The following RIOK2 variants were observed in gnomAD, a reference collection of about 807,000 sequenced individuals.
The protein encoded by RIOK2 is RIO kinase 2, also known as serine/threonine-protein kinase RIO2.
A neutral mutation model predicts 62.4 loss-of-function variants in RIOK2; 46 were observed. That is an observed-to-expected ratio of 0.74 (90% CI 0.58 to 0.94). RIOK2 has a LOEUF of 0.94. Ranked by LOEUF, RIOK2 falls within the 40% of genes least tolerant of loss-of-function variation. The probability of loss-of-function intolerance (pLI) is 0.00; values close to 1 mark genes in which losing one functional copy is unlikely to be tolerated. For synonymous variants in RIOK2, 197 were observed against 216.0 expected (o/e 0.91, Z 0.77); for missense variants, 574 against 658.0 (o/e 0.87, Z 1.40).
At chr5:97,171,923 A>C (rs316191) in intron 5 of RIOK2, among the ~76,000 whole-genome samples, 51,502 of 151,942 alleles carry the variant, frequency 0.34, 10,139 homozygotes, top group East Asian at 0.47. Context: ...AATGACTTCA[A>C]TGTTGCTAAA....
In RIOK2 at chr5:97,179,198, A is replaced by C; in HGVS notation, c.67-5T>G. On this transcript the variant is annotated splice_polypyrimidine_tract_variant and splice_region_variant and intron_variant, in intron 1 of 9. Coordinates refer to ENST00000283109, the MANE Select transcript of RIOK2 (RefSeq NM_018343.3). Reference sequence around the variant, plus strand: ...GTTCTTCATGCCCATTTCAACCTGAAATTAAAGGAATCATTATATAATCAT... The same window carrying C: ...GTTCTTCATGCCCATTTCAACCTGACATTAAAGGAATCATTATATAATCAT... 6.2e-7 allele frequency: 1 copy of C among 1,611,610 alleles called. No homozygotes were observed. Among genetic ancestry groups the C allele is most frequent in the Non-Finnish European group, 8.5e-7 (1 of 1,179,530 alleles).
chr5:97,178,964 C>G lies in RIOK2; in HGVS notation c.205+91G>C, dbSNP rs1271482956. The G allele has an allele frequency of 3.4e-6, 5 of 1,453,184 alleles. No individual in the cohort carries two copies. The African/African-American group carries it at 7.0e-5, about 20-fold the overall frequency. 90.0% of individuals were successfully genotyped at this position (1,453,184 alleles called of 1,614,324 possible). The stretch of plus-strand genomic sequence containing the variant: ...GTTCTTCGTCTAATGCTTTACTAGT[C>G]TGGCAACTTCTACTTCTTGACTTTT... On this transcript the variant is annotated intron_variant, in intron 2 of 9. Transcript: ENST00000283109.
At chr5:97,183,099 G>T in intron 1 of RIOK2, 27 bp downstream of exon 1, 1 of 1,613,040 alleles carries the variant, frequency 6.2e-7, no homozygotes. Flanking sequence ...TAAGGGGAAG[G>T]GAGAACAGGA....
intron 2 of RIOK2, among the ~76,000 whole-genome samples, chr5:97,178,565 C>T (rs956188069): frequency 6.7e-6 from 1 of 150,012 alleles, no homozygotes; most frequent in Admixed American, 6.6e-5. Flanking sequence ...TCTGCAGTAC[C>T]TACGTGCTCT....
chr5:97,180,007 T>A (rs1170515650), intron 1 of RIOK2, among the ~76,000 whole-genome samples: 1 of 57,898 alleles, frequency 1.7e-5, no homozygotes, highest in African/African-American at 6.6e-5. Context: ...ATATATATTA[T>A]ATATATATAA....
intron 1 of RIOK2, among the ~76,000 whole-genome samples, chr5:97,179,980 ATATATATATAAAATATATATATAT>A (rs1749299456): frequency 2.0e-5 from 1 of 49,800 alleles, no homozygotes; most frequent in Admixed American, 2.9e-4. Context: ...TATATATAAT[ATATATATATAAAATATATATATAT>A]TATATATATA....
chr5:97,168,776 T>C lies in RIOK2; in HGVS notation c.856A>G (p.Thr286Ala), dbSNP rs1484469570. The C allele has an allele frequency of 5.0e-6, 8 of 1,597,106 alleles. No homozygotes were observed. The highest frequency in any genetic ancestry group is 6.8e-6 in the Non-Finnish European group (8 of 1,172,486). ...AGTACAAACCTGATATCCTTAAAAG[T>C]TGGAAAAAGCTCACTTTCGTAGCTG... Reference protein sequence around the residue: ...RFSYESELFPTFKDIRREDTL... With the variant: ...RFSYESELFPAFKDIRREDTL... The change falls in exon 7 of 10, where the codon ACT becomes GCT. Residue 286 changes from threonine (T) to alanine (A), a missense_variant. Coordinates refer to ENST00000283109, the MANE Select transcript of RIOK2 (RefSeq NM_018343.3).
chr5:97,162,908 C>T lies in RIOK2; in HGVS notation c.*153G>A, dbSNP rs1025730933. The T allele has an allele frequency of 5.1e-5, 32 of 626,560 alleles. No homozygotes were observed. Among genetic ancestry groups the T allele is most frequent in the Non-Finnish European group, 7.4e-5 (28 of 379,724 alleles). 38.8% of individuals were successfully genotyped at this position (626,560 alleles called of 1,614,324 possible). A position where few individuals can be genotyped will look rare whatever the true frequency, so the allele number is the denominator to read the frequency against. On this transcript the variant is annotated 3_prime_UTR_variant, in exon 10 of 10. Transcript: ENST00000283109. Reference sequence around the variant, plus strand: ...TGCTTTGGCAGGTAATTATTCTTTGCAAGACACATACTGAATGACCAAATT... The same window carrying T: ...TGCTTTGGCAGGTAATTATTCTTTGTAAGACACATACTGAATGACCAAATT...
chr5:97,171,453 G>A (rs1480469934), intron 5 of RIOK2, 56 bp from the exon 6 acceptor site: 15 of 1,290,768 alleles, frequency 1.2e-5, no homozygotes, highest in Middle Eastern at 2.4e-4. Context: ...CGGTTTTAAC[G>A]AAAGTATGTA....
intron 5 of RIOK2, among the ~76,000 whole-genome samples, chr5:97,172,111 G>T (rs1357134974): frequency 2.0e-5 from 3 of 151,766 alleles, no homozygotes. Context: ...TCTAAATTCT[G>T]GAGTTCCTCA....
chr5:97,173,591 A>C (rs1749077118), intron 4 of RIOK2, among the ~76,000 whole-genome samples: 1 of 152,204 alleles, frequency 6.6e-6, no homozygotes. Flanking sequence ...GCCCCCAAGA[A>C]GCTTACAGTC....
Position 97,167,204 on chromosome 5 carries a change from G to A in RIOK2, c.1397+263C>T, listed in dbSNP as rs533961408. On this transcript the variant is annotated intron_variant, in intron 8 of 9. Transcript: ENST00000283109. ...AAGTGCTGAGATTACAGGCATGAGC[G>A]AGCCACTGTGCCCAGCCATCAGTTT... is the stretch of plus-strand genomic sequence containing the variant. 29 of 1,336,854 alleles carry A rather than the reference G, an allele frequency of 2.2e-5. No individual in the cohort carries two copies. In the Admixed American group the frequency reaches 5.4e-4, roughly 25 times the overall value. 82.8% of individuals were successfully genotyped at this position (1,336,854 alleles called of 1,614,324 possible). A position where few individuals can be genotyped will look rare whatever the true frequency, so the allele number is the denominator to read the frequency against.
chr5:97,169,517 T>C (rs1439145226), intron 6 of RIOK2, among the ~76,000 whole-genome samples: 1 of 152,170 alleles, frequency 6.6e-6, no homozygotes, highest in African/African-American at 2.4e-5. Context: ...CTCTAGAAGA[T>C]TTCCAGACAA....
At chr5:97,163,422 T>C (rs1185580494) in intron 9 of RIOK2, among the ~76,000 whole-genome samples, 197 bp from the exon 10 acceptor site, 3 of 152,202 alleles carry the variant, frequency 2.0e-5, no homozygotes, top group Non-Finnish European at 4.4e-5. Flanking sequence ...ATATAGTGTA[T>C]AGGCAGAATT....
intron 2 of RIOK2, among the ~76,000 whole-genome samples, chr5:97,178,156 C>A (rs1561520860): frequency 1.3e-5 from 2 of 151,666 alleles, no homozygotes; most frequent in African/African-American, 2.4e-5. Context: ...TTATCCATTT[C>A]ATTTTTCTAG....
At chr5:97,172,629 T>C (rs1335277543) in intron 5 of RIOK2, among the ~76,000 whole-genome samples, 1 of 152,202 alleles carries the variant, frequency 6.6e-6, no homozygotes, top group African/African-American at 2.4e-5. Flanking sequence ...CTGAAAACAC[T>C]GAGATCACTG....
At chr5:97,175,368 G>T (rs1007220103) in intron 4 of RIOK2, among the ~76,000 whole-genome samples, 5 of 152,176 alleles carry the variant, frequency 3.3e-5, no homozygotes, top group Non-Finnish European at 5.9e-5. Context: ...TATTTGTCTA[G>T]AACTTGTGCT....
intron 8 of RIOK2, among the ~76,000 whole-genome samples, chr5:97,165,594 G>C (rs74435940): frequency 0.014 from 2,129 of 152,302 alleles, 59 homozygotes; most frequent in African/African-American, 0.049. Flanking sequence ...CTGCAACCTA[G>C]AGACTAATGT....
At position 97,183,112 on chromosome 5, in the gene RIOK2, G is replaced by C; in HGVS notation, c.66+14C>G. On this transcript the variant is annotated intron_variant, in intron 1 of 9. Transcript: ENST00000283109. ...GTTAAGGGGAAGGGAGAACAGGAAC[G>C]GCGGGTTTCTTACCGCGGTCAAGAC... is the stretch of plus-strand genomic sequence containing the variant. 1 of 1,613,958 alleles carries C rather than the reference G, an allele frequency of 6.2e-7. No homozygotes were observed. The highest frequency in any genetic ancestry group is 8.5e-7 in the Non-Finnish European group (1 of 1,179,846).
Sources: allele counts gnomAD v4.1 joint callset (sites outside exome capture counted in the v4.1 genomes callset), GRCh38; gene constraint gnomAD v4.1.1; transcripts MANE v1.5; gene names NCBI Gene and HGNC (gene_info 2026-07-23, HGNC 2026-07-21).